CIMIP7: variants seen among roughly 807,000 people sequenced by gnomAD.
The protein encoded by CIMIP7 is uncharacterized protein C3orf84.
the CIMIP7 span, chr3:49,178,066 T>C: frequency 6.4e-7 from 1 of 1,568,216 alleles, no homozygotes; most frequent in Non-Finnish European, 8.6e-7. Context: ...CTCAACGGTA[T>C]GGGCCCTTGG....
the CIMIP7 span, chr3:49,178,097 C>T: frequency 6.6e-7 from 1 of 1,509,414 alleles, no homozygotes. Context: ...TGGCACCAAG[C>T]ACCTTCTTGG....
At chr3:49,181,108 G>C in the CIMIP7 span, among the ~76,000 whole-genome samples, 1 of 151,956 alleles carries the variant, frequency 6.6e-6, no homozygotes, top group Non-Finnish European at 1.5e-5. Flanking sequence ...TTGGGAGGCA[G>C]AGGCGGATAG....
chr3:49,178,045 T>C, the CIMIP7 span: 1 of 1,599,568 alleles, frequency 6.3e-7, no homozygotes. Flanking sequence ...CAGCAGGCAA[T>C]AGGGACCCTC....
the CIMIP7 span, among the ~76,000 whole-genome samples, chr3:49,188,454 C>A: frequency 2.0e-5 from 3 of 152,108 alleles, no homozygotes; most frequent in African/African-American, 4.8e-5. Flanking sequence ...GTTCTGGCCA[C>A]CAGGGAACCC....
chr3:49,183,696 C>T, the CIMIP7 span, among the ~76,000 whole-genome samples: 1 of 152,178 alleles, frequency 6.6e-6, no homozygotes, highest in Non-Finnish European at 1.5e-5. Flanking sequence ...CATGCAACTA[C>T]CACATGACCC....
chr3:49,179,994 C>T, the CIMIP7 span, among the ~76,000 whole-genome samples: 2 of 146,958 alleles, frequency 1.4e-5, no homozygotes, highest in African/African-American at 5.1e-5. Flanking sequence ...AAAAATTAGC[C>T]GGGCTTGGTG....
the CIMIP7 span, among the ~76,000 whole-genome samples, chr3:49,188,902 A>C: frequency 6.6e-6 from 1 of 151,164 alleles, no homozygotes; most frequent in Non-Finnish European, 1.5e-5. Flanking sequence ...GGTTCAAGCG[A>C]TTCTGCCTAC....
chr3:49,187,438 C>T, the CIMIP7 span, among the ~76,000 whole-genome samples: 1 of 152,142 alleles, frequency 6.6e-6, no homozygotes, highest in African/African-American at 2.4e-5. Flanking sequence ...AGAGAGGAAG[C>T]TCCTTGGCAA....
the CIMIP7 span, among the ~76,000 whole-genome samples, chr3:49,187,093 T>A: frequency 3.4e-3 from 519 of 152,346 alleles, no homozygotes; most frequent in Non-Finnish European, 4.6e-3. Context: ...GGAAATTCAC[T>A]ATTCCTATAG....
the CIMIP7 span, chr3:49,178,023 TC>T: frequency 6.2e-7 from 1 of 1,607,216 alleles, no homozygotes; most frequent in Non-Finnish European, 8.5e-7. Context: ...CCTTCCGCCT[TC>T]CGATTCCCTG....
chr3:49,189,939 T>A, the CIMIP7 span: 2 of 962,954 alleles, frequency 2.1e-6, no homozygotes, highest in South Asian at 2.6e-5. Context: ...AGTACAGCCA[T>A]GGAAGGGCTG....
At chr3:49,183,580 G>A in the CIMIP7 span, among the ~76,000 whole-genome samples, 8 of 152,262 alleles carry the variant, frequency 5.3e-5, no homozygotes, top group African/African-American at 1.4e-4. Flanking sequence ...GCTTGAGCCC[G>A]GGAGGCGGAG....
the CIMIP7 span, chr3:49,190,182 A>C: frequency 2.8e-5 from 40 of 1,414,156 alleles, no homozygotes; most frequent in Non-Finnish European, 3.5e-5. Context: ...TCAAATCTCC[A>C]CCATGGATCC....
chr3:49,183,986 A>C, the CIMIP7 span, among the ~76,000 whole-genome samples: 1 of 152,148 alleles, frequency 6.6e-6, no homozygotes, highest in Non-Finnish European at 1.5e-5. Flanking sequence ...AAGGGTGCAT[A>C]TTGTATTATT....
At chr3:49,181,344 A>G in the CIMIP7 span, among the ~76,000 whole-genome samples, 1 of 6,230 alleles carries the variant, frequency 1.6e-4, no homozygotes, top group Non-Finnish European at 2.1e-4. Context: ...TATCTCCAAG[A>G]AAAAAAAAAA....
At chr3:49,191,626 G>T in the CIMIP7 span, 3 of 1,118,984 alleles carry the variant, frequency 2.7e-6, no homozygotes, top group East Asian at 2.3e-5. Flanking sequence ...GGCGGCTCAG[G>T]GTCCTATTCC....
At chr3:49,183,016 A>G in the CIMIP7 span, among the ~76,000 whole-genome samples, 1 of 152,180 alleles carries the variant, frequency 6.6e-6, no homozygotes, top group African/African-American at 2.4e-5. Context: ...CCTCCCCGCG[A>G]GCTGAGGGAG....
chr3:49,185,931 C>T, the CIMIP7 span, among the ~76,000 whole-genome samples: 4 of 151,810 alleles, frequency 2.6e-5, no homozygotes, highest in South Asian at 2.1e-4. Flanking sequence ...ATGATCCACC[C>T]GCCTGAGCCT....
chr3:49,188,721 G>A, the CIMIP7 span, among the ~76,000 whole-genome samples: 1 of 152,104 alleles, frequency 6.6e-6, no homozygotes, highest in East Asian at 1.9e-4. Context: ...GCAATCTTTT[G>A]TAAACATACC....
Sources: gnomAD v4.1 joint callset for allele counts (sites outside exome capture counted in the v4.1 genomes callset) on GRCh38, gnomAD v4.1.1 for gene constraint, MANE v1.5 for transcripts, NCBI Gene and HGNC (gene_info 2026-07-23, HGNC 2026-07-21) for gene names.